Variants in LAMA2 observed in about 807,000 individuals in gnomAD.
LAMA2 encodes the protein laminin subunit alpha-2.
A neutral mutation model predicts 364.8 loss-of-function variants in LAMA2; 269 were observed. The observed-to-expected ratio is 0.74, with a 90% CI of 0.67 to 0.82. The LOEUF (loss-of-function observed/expected upper bound fraction) is 0.82. Ranked by LOEUF, LAMA2 falls within the 40% of genes least tolerant of loss-of-function variation. The probability of loss-of-function intolerance (pLI) is 0.00; values close to 1 mark genes in which losing one functional copy is unlikely to be tolerated. For missense variants in LAMA2, 3,807 were observed against 3,873.2 expected (o/e 0.98, Z 0.45); for synonymous variants, 1,379 against 1,370.6 (o/e 1.01, Z -0.14).
intron 1 of LAMA2, among the ~76,000 whole-genome samples, chr6:128,948,681 C>T (rs1780626955): frequency 6.6e-6 from 1 of 152,160 alleles, no homozygotes; most frequent in Admixed American, 6.5e-5. Context: ...ACAGATCCCT[C>T]ATGAATGGTG....
intron 30 of LAMA2, 112 bp downstream of exon 30, chr6:129,342,579 G>A (rs1776329354): frequency 2.0e-6 from 2 of 992,102 alleles, no homozygotes; most frequent in Admixed American, 4.7e-5. Context: ...CTCAATTTAA[G>A]ATAGAGATAT....
At chr6:129,301,682 A>T (rs1174399895) in intron 22 of LAMA2, among the ~76,000 whole-genome samples, 1 of 152,112 alleles carries the variant, frequency 6.6e-6, no homozygotes, top group African/African-American at 2.4e-5. Flanking sequence ...ATCACTTTGC[A>T]TTTTTATCAG....
chr6:129,123,817 G>A (rs1408563427), intron 4 of LAMA2, among the ~76,000 whole-genome samples: 5 of 152,152 alleles, frequency 3.3e-5, no homozygotes, highest in South Asian at 2.1e-4. Flanking sequence ...CTACTGTACC[G>A]CATAGTGCCT....
chr6:129,323,087 A>T (rs1322213839), intron 28 of LAMA2, among the ~76,000 whole-genome samples: 1 of 152,198 alleles, frequency 6.6e-6, no homozygotes, highest in African/African-American at 2.4e-5. Flanking sequence ...CTCTCATAAT[A>T]ATGTACCTGA....
At chr6:129,255,863 G>A (rs1040436624) in intron 14 of LAMA2, among the ~76,000 whole-genome samples, 3 of 152,086 alleles carry the variant, frequency 2.0e-5, no homozygotes, top group African/African-American at 7.2e-5. Context: ...ATAACACTAG[G>A]ACTTAAAAAG....
At chr6:129,214,846 T>C (rs1248202478) in intron 12 of LAMA2, among the ~76,000 whole-genome samples, 2 of 151,454 alleles carry the variant, frequency 1.3e-5, no homozygotes, top group Non-Finnish European at 2.9e-5. Flanking sequence ...TGGGATTACC[T>C]TGAATCTACA....
chr6:129,500,214 T>TA (rs1342207547), intron 58 of LAMA2, among the ~76,000 whole-genome samples: 1 of 152,174 alleles, frequency 6.6e-6, no homozygotes, highest in East Asian at 1.9e-4. Flanking sequence ...TACATATTTT[T>TA]AAAAACCCTC....
intron 51 of LAMA2, among the ~76,000 whole-genome samples, chr6:129,467,694 A>G (rs1424966486): frequency 6.6e-6 from 1 of 151,900 alleles, no homozygotes; most frequent in African/African-American, 2.4e-5. Context: ...AATTTCCATA[A>G]TCAGTCTGCT....
intron 9 of LAMA2, among the ~76,000 whole-genome samples, chr6:129,174,302 GT>G (rs1246263762): frequency 6.6e-6 from 1 of 151,630 alleles, no homozygotes; most frequent in African/African-American, 2.4e-5. Context: ...ACTACATTTT[GT>G]TTTCCAATAC....
intron 1 of LAMA2, among the ~76,000 whole-genome samples, chr6:128,968,834 CA>C (rs1310578908): frequency 2.0e-5 from 3 of 152,116 alleles, no homozygotes; most frequent in Non-Finnish European, 2.9e-5. Context: ...ATGTAGGAGT[CA>C]GATCACGTGG....
intron 1 of LAMA2, among the ~76,000 whole-genome samples, chr6:128,961,107 A>G (rs546147666): frequency 6.6e-6 from 1 of 151,614 alleles, no homozygotes; most frequent in Non-Finnish European, 1.5e-5. Context: ...GTATTTTCCA[A>G]TCTTTGTCTG....
At chr6:128,923,482 A>G (rs1252098456) in intron 1 of LAMA2, among the ~76,000 whole-genome samples, 1 of 150,680 alleles carries the variant, frequency 6.6e-6, no homozygotes, top group Non-Finnish European at 1.5e-5. Flanking sequence ...TAAGCCACCT[A>G]GTTTGTGGTC....
At chr6:128,946,252 C>G (rs930634527) in intron 1 of LAMA2, among the ~76,000 whole-genome samples, 1 of 152,132 alleles carries the variant, frequency 6.6e-6, no homozygotes, top group African/African-American at 2.4e-5. Context: ...ATATCTTAAA[C>G]CGAATTGCAT....
intron 3 of LAMA2, among the ~76,000 whole-genome samples, chr6:129,070,731 C>T (rs943925703): frequency 6.6e-6 from 1 of 152,082 alleles, no homozygotes; most frequent in Non-Finnish European, 1.5e-5. Flanking sequence ...CTTTCTGCAA[C>T]TTTCCATTTT....
At chr6:129,330,606 T>TC (rs914328847) in intron 29 of LAMA2, among the ~76,000 whole-genome samples, 1 of 148,972 alleles carries the variant, frequency 6.7e-6, no homozygotes, top group Non-Finnish European at 1.5e-5. Context: ...TTGTTTTTTT[T>TC]TTTTTTTTTC....
At chr6:129,479,608 A>G (rs1220046571) in intron 54 of LAMA2, 2 of 152,234 alleles carry the variant, frequency 1.3e-5, no homozygotes, top group Admixed American at 1.3e-4. Context: ...TGAAAACGTT[A>G]AATATGTCAT....
chr6:129,400,093 G>A (rs532335456), intron 37 of LAMA2, among the ~76,000 whole-genome samples: 38 of 152,226 alleles, frequency 2.5e-4, no homozygotes, highest in Non-Finnish European at 1.8e-4. Flanking sequence ...CAGATTTGGT[G>A]TCTGATGAGG....
Position 129,147,713 on chromosome 6 carries a change from C to T in LAMA2, c.909+665C>T, listed in dbSNP as rs1778553402. Reference sequence around the variant, plus strand: ...CTCCTGTATAGTATATGGAAAAATACATTGAATAGTAAGATCAGTGAATGT... The same window carrying T: ...CTCCTGTATAGTATATGGAAAAATATATTGAATAGTAAGATCAGTGAATGT... On this transcript the variant is annotated intron_variant, in intron 6 of 64. Transcript: ENST00000421865. 3.3e-5 allele frequency among the ~76,000 whole-genome samples: 5 copies of T among 152,080 alleles called. 1 individual carries two copies. In the South Asian group the frequency reaches 1.0e-3, roughly 32 times the overall value.
Position 129,456,323 on chromosome 6 carries a change from G to T in LAMA2, c.6708-12G>T. The T allele has an allele frequency of 6.2e-7, 1 of 1,612,130 alleles. No individual in the cohort carries two copies. The highest frequency in any genetic ancestry group is 8.5e-7 in the Non-Finnish European group (1 of 1,178,474). On this transcript the variant is annotated splice_polypyrimidine_tract_variant and intron_variant, in intron 47 of 64. Coordinates refer to ENST00000421865, the MANE Select transcript of LAMA2 (RefSeq NM_000426.4). The stretch of plus-strand genomic sequence containing the variant: ...ATGTTCCTCCCCTTCACTTCAACAC[G>T]TACCCTTGAAGAACTGGGAGAAATG...
Sources: allele counts gnomAD v4.1 joint callset (sites outside exome capture counted in the v4.1 genomes callset), GRCh38; gene constraint gnomAD v4.1.1; transcripts MANE v1.5; gene names NCBI Gene and HGNC (gene_info 2026-07-23, HGNC 2026-07-21).